Variants in NIPBL observed in about 807,000 individuals in gnomAD.
The protein encoded by NIPBL is NIPBL cohesin loading factor, also known as nipped-B-like protein.
Under a neutral mutation model 321.8 loss-of-function variants are expected in NIPBL, and 19 were observed. The ratio of observed to expected loss-of-function variants is 0.06; its 90% CI spans 0.04 to 0.09. NIPBL has a LOEUF of 0.09. Ranked by LOEUF, NIPBL falls within the 10% of genes least tolerant of loss-of-function variation. NIPBL has a pLI of 1.00. For synonymous variants in NIPBL, 1,106 were observed against 1,114.1 expected (o/e 0.99, Z 0.14); for missense variants, 2,210 against 3,327.0 (o/e 0.66, Z 8.26).
intron 42 of NIPBL, among the ~76,000 whole-genome samples, chr5:37,054,758 A>G (rs1215209645): frequency 2.0e-5 from 3 of 152,220 alleles, no homozygotes; most frequent in East Asian, 3.8e-4. Context: ...GGGATCTGCT[A>G]TATAAACCAG....
chr5:36,993,169 A>C (rs1745745284), intron 10 of NIPBL, among the ~76,000 whole-genome samples: 1 of 152,246 alleles, frequency 6.6e-6, no homozygotes, highest in South Asian at 2.1e-4. Context: ...AATTCTGTTC[A>C]AAATGAAACA....
At chr5:36,988,023 C>T (rs1198914117) in intron 10 of NIPBL, among the ~76,000 whole-genome samples, 1 of 152,054 alleles carries the variant, frequency 6.6e-6, no homozygotes, top group East Asian at 1.9e-4. Context: ...CCTCTTGTTC[C>T]TTTGATCTGG....
chr5:37,062,786 G>A lies in NIPBL; in HGVS notation c.7861-1004G>A, dbSNP rs373639925. On this transcript the variant is annotated intron_variant, in intron 45 of 46. Coordinates refer to ENST00000282516, the MANE Select transcript of NIPBL (RefSeq NM_133433.4). Reference sequence around the variant, plus strand: ...AATACAAACATTAGCCAGACATGGCGGTGTGCACCTGTAGTCCCAACTGCT... The same window carrying A: ...AATACAAACATTAGCCAGACATGGCAGTGTGCACCTGTAGTCCCAACTGCT... Among the ~76,000 whole-genome samples the A allele has an allele frequency of 1.2e-4, 19 of 152,190 alleles. No homozygotes were observed. In the East Asian group the frequency reaches 1.9e-3, roughly 16 times the overall value.
intron 10 of NIPBL, 72 bp from the exon 11 acceptor site, chr5:36,995,550 G>A: frequency 1.0e-6 from 1 of 980,000 alleles, no homozygotes; most frequent in Non-Finnish European, 1.6e-6. Flanking sequence ...TTTTTATTAT[G>A]CTAACTTAGT....
At chr5:37,004,449 G>A (rs1055081593) in intron 16 of NIPBL, among the ~76,000 whole-genome samples, 9 of 151,304 alleles carry the variant, frequency 5.9e-5, no homozygotes, top group Non-Finnish European at 7.4e-5. Context: ...CTGTCCCCTG[G>A]GCTGGAGTGC....
At chr5:36,908,191 A>G (rs564043395) in intron 1 of NIPBL, among the ~76,000 whole-genome samples, 2 of 152,260 alleles carry the variant, frequency 1.3e-5, no homozygotes, top group South Asian at 2.1e-4. Flanking sequence ...CTGAAAGACA[A>G]TCTTTTGGGG....
intron 1 of NIPBL, among the ~76,000 whole-genome samples, chr5:36,896,641 C>T (rs1240162837): frequency 1.3e-5 from 2 of 152,052 alleles, no homozygotes; most frequent in Non-Finnish European, 2.9e-5. Flanking sequence ...GCTATATGGC[C>T]CAGGCTGGAG....
intron 2 of NIPBL, 21 bp from the exon 3 acceptor site, chr5:36,955,451 A>G: frequency 2.5e-6 from 4 of 1,605,608 alleles, no homozygotes; most frequent in Middle Eastern, 1.7e-4. Flanking sequence ...ATTTCTAATA[A>G]TCTGATTTTA....
chr5:36,958,505 GAATT>G (rs1258044129), intron 4 of NIPBL, among the ~76,000 whole-genome samples: 3 of 152,072 alleles, frequency 2.0e-5, no homozygotes, highest in African/African-American at 7.2e-5. Flanking sequence ...TAGAAAATCA[GAATT>G]AATTTGAAAT....
chr5:36,974,355 T>A (rs1352177025), intron 8 of NIPBL, among the ~76,000 whole-genome samples: 1 of 152,208 alleles, frequency 6.6e-6, no homozygotes. Context: ...TCTTGATTTT[T>A]AGATTAATTA....
chr5:36,886,909 GATTC>G (rs1042587160), intron 1 of NIPBL, among the ~76,000 whole-genome samples: 2 of 151,790 alleles, frequency 1.3e-5, no homozygotes, highest in African/African-American at 4.8e-5. Context: ...AAGCTTCTGA[GATTC>G]ATTCATGTTC....
At chr5:36,885,373 C>T (rs969483028) in intron 1 of NIPBL, 56 of 456,578 alleles carry the variant, frequency 1.2e-4, no homozygotes, top group South Asian at 7.4e-4. Flanking sequence ...GCTTCCGCGG[C>T]GGCTTGGGGT....
intron 32 of NIPBL, among the ~76,000 whole-genome samples, chr5:37,031,364 T>G (rs902918452): frequency 6.6e-6 from 1 of 152,204 alleles, no homozygotes; most frequent in Non-Finnish European, 1.5e-5. Context: ...CATTTTTCAG[T>G]AGGATGTGGA....
intron 44 of NIPBL, 81 bp downstream of exon 44, chr5:37,059,246 C>T: frequency 6.8e-7 from 1 of 1,467,450 alleles, no homozygotes; most frequent in South Asian, 1.2e-5. Flanking sequence ...GTGGCTCATG[C>T]CTGTAATCCC....
At chr5:37,014,546 C>A in intron 21 of NIPBL, 137 bp from the exon 22 acceptor site, 1 of 570,924 alleles carries the variant, frequency 1.8e-6, no homozygotes, top group Non-Finnish European at 3.1e-6. Context: ...TTTGGCTTCT[C>A]TTATTATATA....
chr5:36,949,379 G>A (rs1453661465), intron 1 of NIPBL, among the ~76,000 whole-genome samples: 1 of 151,772 alleles, frequency 6.6e-6, no homozygotes, highest in Non-Finnish European at 1.5e-5. Flanking sequence ...GTGTCCATGT[G>A]CCAGATAGCC....
chr5:36,996,564 G>T lies in NIPBL; in HGVS notation c.3304+760G>T. ...GCTATACCTCGCCTGTCTTCCTACTGGTCCACTGAAAAAGTTCTTCTCTTT... is the reference window on the plus strand; with the variant it reads ...GCTATACCTCGCCTGTCTTCCTACTTGTCCACTGAAAAAGTTCTTCTCTTT... On this transcript the variant is annotated intron_variant, in intron 11 of 46. Coordinates refer to ENST00000282516, the MANE Select transcript of NIPBL (RefSeq NM_133433.4). This position sits in a 1 kb window ranked among gnomAD's most constrained non-coding sequence, Gnocchi z 5.0. 2.2e-6 allele frequency: 1 copy of T among 454,404 alleles called. No homozygotes were observed. Among genetic ancestry groups the T allele is most frequent in the Non-Finnish European group, 4.4e-6 (1 of 225,894 alleles). 28.1% of individuals were successfully genotyped at this position (454,404 alleles called of 1,614,324 possible).
At chr5:36,882,538 A>G (rs1745583227) in intron 1 of NIPBL, among the ~76,000 whole-genome samples, 1 of 151,978 alleles carries the variant, frequency 6.6e-6, no homozygotes, top group Non-Finnish European at 1.5e-5. Flanking sequence ...TAACCACGAT[A>G]CTGTGTATCA....
At position 37,010,097 on chromosome 5, in the gene NIPBL, A is replaced by G. The variant is rs1330523871; in HGVS notation, c.4432A>G (p.Ser1478Gly). The change falls in exon 21 of 47, where the codon AGT becomes GGT. Residue 1478 changes from serine (S) to glycine (G), a missense_variant. By Grantham distance (56) the Ser-to-Gly change is moderately conservative. This residue lies in a region of NIPBL where 381 missense variants were observed against 642.3 expected (regional missense o/e 0.59). Transcript: ENST00000282516. Reference protein sequence around the residue: ...RSLRNFRLNSSDMDGEPMYIQ... With the variant: ...RSLRNFRLNSGDMDGEPMYIQ... ...TTTTCTTCATTAAAGGTTAAACAGTAGTGATATGGATGGAGAACCTATGTA... is the reference window on the plus strand; with the variant it reads ...TTTTCTTCATTAAAGGTTAAACAGTGGTGATATGGATGGAGAACCTATGTA... The G allele has an allele frequency of 1.2e-6, 2 of 1,611,122 alleles. No individual in the cohort carries two copies. Among genetic ancestry groups the G allele is most frequent in the Non-Finnish European group, 1.7e-6 (2 of 1,177,524 alleles).
Sources: allele counts gnomAD v4.1 joint callset (sites outside exome capture counted in the v4.1 genomes callset), GRCh38; gene constraint gnomAD v4.1.1; regional missense constraint gnomAD v4.1.1; non-coding constraint Gnocchi (gnomAD v3.1); transcripts MANE v1.5; gene names NCBI Gene and HGNC (gene_info 2026-07-23, HGNC 2026-07-21).